LMNTD1: variants seen among roughly 807,000 people sequenced by gnomAD.
LMNTD1 encodes the protein lamin tail domain containing 1, also known as lamin tail domain-containing protein 1.
Under a neutral mutation model 50.9 loss-of-function variants are expected in LMNTD1, and 35 were observed. The ratio of observed to expected loss-of-function variants is 0.69; its 90% CI spans 0.53 to 0.91. LMNTD1 has a LOEUF of 0.91. Ranked by LOEUF, LMNTD1 falls within the 40% of genes least tolerant of loss-of-function variation. The pLI, the probability that LMNTD1 is intolerant of heterozygous loss-of-function variation, is 0.00. For missense variants in LMNTD1, 470 were observed against 475.5 expected (o/e 0.99, Z 0.11); for synonymous variants, 153 against 161.9 (o/e 0.94, Z 0.42).
At position 25,609,406 on chromosome 12, in the gene LMNTD1, GT is replaced by G. The variant is rs573435109; in HGVS notation, c.58+39087del. 5.5e-4 allele frequency among the ~76,000 whole-genome samples: 84 copies of G among 152,262 alleles called. No individual in the cohort carries two copies. The Middle Eastern group carries it at 0.01, about 18-fold the overall frequency. ...AATCCTTTAGAGAAGAGGTGCTCTG[GT>G]TTTTAGAATTTTCAGCTTTTCTGCT... is the stretch of plus-strand genomic sequence containing the variant. On this transcript the variant is annotated intron_variant, in intron 1 of 7. Transcript: ENST00000445693.
chr12:25,500,442 A>G (rs750474205), intron 9 of LMNTD1, among the ~76,000 whole-genome samples: 2 of 152,150 alleles, frequency 1.3e-5, no homozygotes, highest in Non-Finnish European at 2.9e-5. Context: ...GGACAGTAAG[A>G]GATATGTGAA....
chr12:25,635,386 A>G (rs1946810301), intron 1 of LMNTD1, among the ~76,000 whole-genome samples: 1 of 152,200 alleles, frequency 6.6e-6, no homozygotes, highest in Non-Finnish European at 1.5e-5. Flanking sequence ...CCCTTTTACA[A>G]AAGCTGCAAT....
chr12:25,510,177 G>A (rs1287176867), intron 8 of LMNTD1, among the ~76,000 whole-genome samples: 2 of 149,714 alleles, frequency 1.3e-5, no homozygotes. Flanking sequence ...CATTCATGTG[G>A]GATAATTTTC....
intron 1 of LMNTD1, among the ~76,000 whole-genome samples, chr12:25,631,489 C>G (rs930345994): frequency 6.6e-6 from 1 of 151,694 alleles, no homozygotes; most frequent in Non-Finnish European, 1.5e-5. Context: ...TGCAGACAAC[C>G]CCCAGTATCA....
intron 8 of LMNTD1, among the ~76,000 whole-genome samples, chr12:25,512,332 G>C (rs1188946563): frequency 6.6e-6 from 1 of 152,176 alleles, no homozygotes; most frequent in Non-Finnish European, 1.5e-5. Flanking sequence ...AATATCCCTA[G>C]TTCATGGATG....
intron 4 of LMNTD1, among the ~76,000 whole-genome samples, chr12:25,536,956 A>G (rs1323415807): frequency 1.3e-5 from 2 of 152,216 alleles, no homozygotes; most frequent in Non-Finnish European, 2.9e-5. Flanking sequence ...TAATCAAAGA[A>G]AGGGGTGACA....
intron 1 of LMNTD1, among the ~76,000 whole-genome samples, chr12:25,637,716 C>T (rs2136615828): frequency 6.6e-6 from 1 of 152,162 alleles, no homozygotes; most frequent in Middle Eastern, 3.4e-3. Flanking sequence ...ATATAAAGAA[C>T]TCTTCCAATT....
chr12:25,550,473 T>C (rs1033567785), intron 2 of LMNTD1, among the ~76,000 whole-genome samples: 1 of 152,194 alleles, frequency 6.6e-6, no homozygotes, highest in African/African-American at 2.4e-5. Flanking sequence ...TTTATTTCTC[T>C]GAAAAATGAG....
intron 4 of LMNTD1, among the ~76,000 whole-genome samples, chr12:25,536,959 G>A (rs905045602): frequency 2.0e-5 from 3 of 152,260 alleles, no homozygotes; most frequent in African/African-American, 7.2e-5. Flanking sequence ...TCAAAGAAAG[G>A]GGTGACAGAC....
At chr12:25,577,316 CA>C (rs1292708216) in intron 1 of LMNTD1, among the ~76,000 whole-genome samples, 2 of 151,958 alleles carry the variant, frequency 1.3e-5, no homozygotes, top group Non-Finnish European at 2.9e-5. Flanking sequence ...GATTCTTCCC[CA>C]TGAGCATGGA....
intron 3 of LMNTD1, among the ~76,000 whole-genome samples, chr12:25,547,903 T>C (rs1591984600): frequency 6.6e-6 from 1 of 151,768 alleles, no homozygotes; most frequent in South Asian, 2.1e-4. Flanking sequence ...TCTACAGTAA[T>C]GGAAGGAGAA....
intron 1 of LMNTD1, among the ~76,000 whole-genome samples, chr12:25,632,331 G>A (rs1193617515): frequency 6.6e-6 from 1 of 152,112 alleles, no homozygotes; most frequent in Non-Finnish European, 1.5e-5. Context: ...CTCTCTGCCT[G>A]GACACACTGT....
At chr12:25,572,124 A>T (rs61926996) in intron 1 of LMNTD1, among the ~76,000 whole-genome samples, 15,164 of 152,264 alleles carry the variant, frequency 0.1, 1,015 homozygotes, top group East Asian at 0.25. Context: ...AAATAACTTC[A>T]TAGGTTTCAA....
chr12:25,565,145 C>G (rs1944502099), intron 1 of LMNTD1, among the ~76,000 whole-genome samples: 1 of 151,872 alleles, frequency 6.6e-6, no homozygotes, highest in African/African-American at 2.4e-5. Context: ...GTTTCAGCCA[C>G]TCTATGTCTT....
At chr12:25,489,787 A>G (rs1210741189) in intron 9 of LMNTD1, among the ~76,000 whole-genome samples, 2 of 152,222 alleles carry the variant, frequency 1.3e-5, no homozygotes, top group African/African-American at 4.8e-5. Context: ...GATTCAGGAT[A>G]TAAGGATTGT....
intron 4 of LMNTD1, among the ~76,000 whole-genome samples, chr12:25,528,549 A>G (rs986714394): frequency 3.9e-5 from 6 of 152,220 alleles, no homozygotes; most frequent in African/African-American, 1.4e-4. Context: ...GAGCCAAGTC[A>G]GCAACTTCTG....
chr12:25,521,311 C>G (rs530044571), intron 6 of LMNTD1, among the ~76,000 whole-genome samples: 5 of 152,152 alleles, frequency 3.3e-5, no homozygotes, highest in African/African-American at 1.2e-4. Context: ...CGTCAAGGAG[C>G]TTTTCCCCTA....
intron 7 of LMNTD1, among the ~76,000 whole-genome samples, chr12:25,519,573 G>T: frequency 1.9e-5 from 1 of 52,574 alleles, no homozygotes; most frequent in Non-Finnish European, 4.1e-5. Flanking sequence ...GGGTGACAGA[G>T]CGAGACTCTG....
chr12:25,544,498 T>G (rs1943302564), intron 4 of LMNTD1, among the ~76,000 whole-genome samples: 2 of 151,814 alleles, frequency 1.3e-5, no homozygotes, highest in African/African-American at 4.8e-5. Context: ...CTGGATTTTG[T>G]TTCCTTATCC....
Sources: allele counts gnomAD v4.1 joint callset (sites outside exome capture counted in the v4.1 genomes callset), GRCh38; gene constraint gnomAD v4.1.1; transcripts MANE v1.5; gene names NCBI Gene and HGNC (gene_info 2026-07-23, HGNC 2026-07-21).